The following ATF6 variants were observed in gnomAD, a reference collection of about 807,000 sequenced individuals.
The protein encoded by ATF6 is cyclic AMP-dependent transcription factor ATF-6 alpha.
ATF6 carries 53 observed loss-of-function variants against 83.6 expected under a neutral mutation model. The observed-to-expected ratio is 0.63, with a 90% CI of 0.51 to 0.80. The LOEUF (loss-of-function observed/expected upper bound fraction) is 0.80, where lower values mean the gene tolerates loss of function less well. Among genes scored for constraint, ATF6 ranks in the 30% least tolerant of loss-of-function variants. The probability of loss-of-function intolerance (pLI) is 0.00; values close to 1 mark genes in which losing one functional copy is unlikely to be tolerated. For synonymous variants in ATF6, 288 were observed against 285.8 expected, an observed-to-expected ratio of 1.01 and a Z score of -0.08; for missense variants, 744 against 797.9, an observed-to-expected ratio of 0.93 and a Z score of 0.81.
At chr1:161,870,678 G>C (rs1389401846) in intron 14 of ATF6, among the ~76,000 whole-genome samples, 1 of 151,662 alleles carries the variant, frequency 6.6e-6, no homozygotes, top group Non-Finnish European at 1.5e-5. Context: ...AACATTGCTA[G>C]CTAACATAAA....
intron 15 of ATF6, among the ~76,000 whole-genome samples, chr1:161,925,556 C>CT (rs1688295900): frequency 6.6e-6 from 1 of 152,110 alleles, no homozygotes; most frequent in South Asian, 2.1e-4. Flanking sequence ...ATACTCCAAA[C>CT]TTTCTTATTT....
At position 161,792,198 on chromosome 1, in the gene ATF6, C is replaced by G. The variant is rs1239763730; in HGVS notation, c.559C>G (p.Pro187Ala). ...PSIQPKPLLL[P>A]AAPKTQTNSS... is the part of the protein sequence containing the mutation. ...AATTCAGCCCAAGCCTTTATTGCTT[C>G]CAGCAGCACCCAAGACTCAAACAAA... The change falls in exon 6 of 16, where the codon CCA (proline) becomes GCA (alanine). Residue 187 changes from proline (P) to alanine (A), a missense_variant. Coordinates refer to ENST00000367942, the MANE Select transcript of ATF6 (RefSeq NM_007348.4). The G allele has an allele frequency of 6.2e-7, 1 of 1,614,126 alleles. No individual in the cohort carries two copies.
chr1:161,777,591 TCTTGGGC>T (rs1469467657), intron 1 of ATF6, among the ~76,000 whole-genome samples: 3 of 152,240 alleles, frequency 2.0e-5, no homozygotes, highest in Non-Finnish European at 1.5e-5. Context: ...TGAGGAGCCT[TCTTGGGC>T]CTTGGTCAAC....
At chr1:161,840,434 C>A (rs768707116) in intron 9 of ATF6, 1 of 152,170 alleles carries the variant, frequency 6.6e-6, no homozygotes, top group African/African-American at 2.4e-5. Flanking sequence ...GAAGCAGTTT[C>A]TTTTAAGGAT....
Position 161,958,352 on chromosome 1 carries a change from T to G in ATF6, c.1805-94T>G, listed in dbSNP as rs543792821. On this transcript the variant is annotated intron_variant, in intron 15 of 15. Transcript: ENST00000367942. Reference sequence around the variant, plus strand: ...GAAAGTTTACTGACAGTTCACACCCTTAAAGCACATTTCTGTATTTCTGGG... The same window carrying G: ...GAAAGTTTACTGACAGTTCACACCCGTAAAGCACATTTCTGTATTTCTGGG... 4.4e-5 allele frequency: 57 copies of G among 1,308,678 alleles called. No homozygotes were observed. In the African/African-American group the frequency reaches 6.6e-4, roughly 15 times the overall value. 81.1% of individuals were successfully genotyped at this position (1,308,678 alleles called of 1,614,324 possible).
chr1:161,807,865 C>CTTTT (rs761462420), intron 7 of ATF6, among the ~76,000 whole-genome samples: 1,003 of 32,210 alleles, frequency 0.031, 238 homozygotes, highest in East Asian at 0.062. Context: ...AGTTTGTCAT[C>CTTTT]TTTTTTTTTT....
chr1:161,932,744 A>G (rs1249931528), intron 15 of ATF6, among the ~76,000 whole-genome samples: 1 of 152,202 alleles, frequency 6.6e-6, no homozygotes, highest in Non-Finnish European at 1.5e-5. Context: ...GTTCTGCTCT[A>G]GGTCTCTCAT....
At chr1:161,944,776 A>G (rs1457261526) in intron 15 of ATF6, among the ~76,000 whole-genome samples, 4 of 152,234 alleles carry the variant, frequency 2.6e-5, no homozygotes, top group African/African-American at 9.6e-5. Context: ...AGGGAACTAA[A>G]TATGCAATAA....
intron 15 of ATF6, among the ~76,000 whole-genome samples, chr1:161,940,014 G>T (rs1320819397): frequency 6.6e-6 from 1 of 152,110 alleles, no homozygotes; most frequent in Non-Finnish European, 1.5e-5. Context: ...CTGAGTTCAG[G>T]ACTCTTTCCT....
chr1:161,863,212 G>T lies in ATF6; in HGVS notation c.1619G>T (p.Ser540Ile). ...TCTTACTTTAGCAGGAACTCAGGGA[G>T]TGAGCTACAAGTGTATTATGCTTCA... ...TTSSISRNSG[S>I]ELQVYYASPR... Residue 540 changes from serine (S) to isoleucine (I), a missense_variant, in exon 14 of 16, where the codon AGT (serine) becomes ATT (isoleucine). Transcript: ENST00000367942. 2 of 1,598,826 alleles carry T rather than the reference G, an allele frequency of 1.3e-6. No homozygotes were observed. The highest frequency in any genetic ancestry group is 1.7e-6 in the Non-Finnish European group (2 of 1,169,476).
intron 15 of ATF6, among the ~76,000 whole-genome samples, chr1:161,917,918 G>T (rs1176864840): frequency 3.9e-5 from 6 of 152,096 alleles, no homozygotes; most frequent in Admixed American, 3.9e-4. Flanking sequence ...TATAGATAAT[G>T]CCTCAAGAAA....
At chr1:161,879,342 G>T (rs1687279873) in intron 14 of ATF6, among the ~76,000 whole-genome samples, 2 of 152,120 alleles carry the variant, frequency 1.3e-5, no homozygotes, top group African/African-American at 4.8e-5. Context: ...GTGAGGCCTT[G>T]GTGGGGTGTC....
At position 161,807,865 on chromosome 1, in the gene ATF6, C is replaced by CTTTTTTTTTTTTTTTTTTTTTTTTT. The variant is rs761462420; in HGVS notation, c.909+5601_909+5625dup. On this transcript the variant is annotated intron_variant, in intron 7 of 15. Transcript: ENST00000367942. ...CTTTTTGTACTTTTTAGTTTGTCAT[C>CTTTTTTTTTTTTTTTTTTTTTTTTT]TTTTTTTTTTTTTTTTTTTTTTTTT... is the stretch of plus-strand genomic sequence containing the variant. Among the ~76,000 whole-genome samples, 8 of 32,310 alleles carry CTTTTTTTTTTTTTTTTTTTTTTTTT rather than the reference C, an allele frequency of 2.5e-4. 1 individual carries two copies. The highest frequency in any genetic ancestry group is 4.6e-4 in the African/African-American group (4 of 8,750). The allele number at this position is 32,310 out of a possible 152,430, so 21.2% of individuals were successfully genotyped here. A position where few individuals can be genotyped will look rare whatever the true frequency, so the allele number is the denominator to read the frequency against.
chr1:161,862,497 A>G (rs1413771623), intron 13 of ATF6, among the ~76,000 whole-genome samples: 1 of 152,164 alleles, frequency 6.6e-6, no homozygotes, highest in African/African-American at 2.4e-5. Flanking sequence ...AGGTATTATC[A>G]TTTTAGTTTT....
intron 15 of ATF6, among the ~76,000 whole-genome samples, chr1:161,946,254 C>CGAAGTGCTG (rs1056486217): frequency 6.6e-6 from 1 of 152,136 alleles, no homozygotes; most frequent in African/African-American, 2.4e-5. Context: ...TTTGGCCTCC[C>CGAAGTGCTG]GAAGTGCTGG....
intron 7 of ATF6, among the ~76,000 whole-genome samples, chr1:161,812,709 A>G (rs950446266): frequency 2.6e-5 from 4 of 151,662 alleles, no homozygotes; most frequent in African/African-American, 7.3e-5. Flanking sequence ...GGTATTTTCA[A>G]TATTGCTTTA....
At chr1:161,776,464 G>A (rs1403507282) in intron 1 of ATF6, among the ~76,000 whole-genome samples, 5 of 152,174 alleles carry the variant, frequency 3.3e-5, no homozygotes, top group African/African-American at 1.2e-4. Flanking sequence ...GAGGGGTAGG[G>A]AAGAAAAGGA....
chr1:161,868,640 A>G (rs773536613), intron 14 of ATF6, among the ~76,000 whole-genome samples: 1 of 147,366 alleles, frequency 6.8e-6, no homozygotes, highest in Non-Finnish European at 1.5e-5. Context: ...GTTGTTTTTC[A>G]TAATCATTTA....
In ATF6 at chr1:161,961,143, G is replaced by A. The variant is rs976174718; in HGVS notation, c.*2489G>A. On this transcript the variant is annotated 3_prime_UTR_variant, in exon 16 of 16. Transcript: ENST00000367942. ...GCCAACTCCTCAGATGCAAGACTTT[G>A]GTTATGTCATACTCACCAACGTTAG... The A allele has an allele frequency of 6.6e-6, 1 of 152,302 alleles. No individual in the cohort carries two copies. Among genetic ancestry groups the A allele is most frequent in the African/African-American group, 2.4e-5 (1 of 41,544 alleles). The allele number at this position is 152,302 out of a possible 1,614,324, so 9.4% of individuals were successfully genotyped here.
Sources: gnomAD v4.1 joint callset for allele counts (sites outside exome capture counted in the v4.1 genomes callset) on GRCh38, gnomAD v4.1.1 for gene constraint, MANE v1.5 for transcripts, NCBI Gene and HGNC (gene_info 2026-07-23, HGNC 2026-07-21) for gene names.